HS3ST3B1: variants seen among roughly 807,000 people sequenced by gnomAD.
The protein encoded by HS3ST3B1 is heparan sulfate-glucosamine 3-sulfotransferase 3B1, also known as heparan sulfate glucosamine 3-O-sulfotransferase 3B1.
In HS3ST3B1, 13 loss-of-function variants were observed where a neutral mutation model predicts 21.3. The observed-to-expected ratio is 0.61, with a 90% CI of 0.40 to 0.97. The LOEUF (loss-of-function observed/expected upper bound fraction) is 0.97, where lower values mean the gene tolerates loss of function less well. HS3ST3B1 is among the 50% of genes least tolerant of loss of function. HS3ST3B1 has a pLI of 0.00. For missense variants in HS3ST3B1, 459 were observed against 554.8 expected (o/e 0.83, Z 1.73); for synonymous variants, 234 against 254.8 (o/e 0.92, Z 0.78).
intron 1 of HS3ST3B1, among the ~76,000 whole-genome samples, chr17:14,341,718 G>A (rs1057290731): frequency 6.6e-5 from 10 of 152,106 alleles, no homozygotes; most frequent in East Asian, 3.9e-4. Context: ...CAATGGCCCC[G>A]AAGAACCTTG....
rs946552218 is a variant in HS3ST3B1 at position 14,301,310 on chromosome 17, C to A, written c.-209C>A. ...TTTCCGTTCCAGTTGCAGCTCCTGC[C>A]GGGCAACATGTCAAGAGCCGCCGCC... On this transcript the variant is annotated 5_prime_UTR_variant, in exon 1 of 2. Transcript: ENST00000360954. The A allele has an allele frequency of 6.0e-6, 3 of 499,820 alleles. No homozygotes were observed. Among genetic ancestry groups the A allele is most frequent in the Non-Finnish European group, 1.0e-5 (3 of 289,378 alleles). 31.0% of individuals were successfully genotyped at this position (499,820 alleles called of 1,614,324 possible).
intron 1 of HS3ST3B1, among the ~76,000 whole-genome samples, chr17:14,315,306 G>A (rs868152530): frequency 1.3e-5 from 2 of 152,190 alleles, no homozygotes; most frequent in Non-Finnish European, 2.9e-5. Flanking sequence ...TGCATGTGAT[G>A]AGCACACAGA....
intron 1 of HS3ST3B1, among the ~76,000 whole-genome samples, chr17:14,309,024 GC>G (rs1286771387): frequency 3.3e-5 from 5 of 152,244 alleles, no homozygotes; most frequent in Non-Finnish European, 7.3e-5. Context: ...TGGGGGGAGA[GC>G]CGCCCCCCTT....
intron 1 of HS3ST3B1, among the ~76,000 whole-genome samples, chr17:14,337,387 T>A (rs1910218292): frequency 6.6e-6 from 1 of 151,258 alleles, no homozygotes; most frequent in African/African-American, 2.4e-5. Flanking sequence ...GAGTGCAGTG[T>A]CAGGATCTCG....
intron 1 of HS3ST3B1, among the ~76,000 whole-genome samples, chr17:14,339,162 G>A (rs890448062): frequency 2.6e-5 from 4 of 152,268 alleles, no homozygotes; most frequent in East Asian, 3.9e-4. Context: ...TCCTGCCCAC[G>A]TGGTAAAGAG....
intron 1 of HS3ST3B1, among the ~76,000 whole-genome samples, chr17:14,326,008 T>C (rs1273522046): frequency 6.6e-6 from 1 of 151,108 alleles, no homozygotes; most frequent in Non-Finnish European, 1.5e-5. Flanking sequence ...GATGACTCTG[T>C]GTGTGTGTGT....
rs1361472725 is a variant in HS3ST3B1 at position 14,346,652 on chromosome 17, A to C, written c.*1006A>C. 6.6e-6 allele frequency: 1 copy of C among 152,018 alleles called. No individual in the cohort carries two copies. Among genetic ancestry groups the C allele is most frequent in the Non-Finnish European group, 1.5e-5 (1 of 68,040 alleles). 9.4% of individuals were successfully genotyped at this position (152,018 alleles called of 1,614,324 possible). ...CTCTGCCCCATTCCCTGGTTCATTA[A>C]CCAGTTTGAAGTGTATGTAGATTGT... On this transcript the variant is annotated 3_prime_UTR_variant, in exon 2 of 2. Coordinates refer to ENST00000360954, the MANE Select transcript of HS3ST3B1 (RefSeq NM_006041.3).
chr17:14,301,929 G>A lies in HS3ST3B1; in HGVS notation c.411G>A (p.Leu137=). 1 of 1,609,700 alleles carries A rather than the reference G, an allele frequency of 6.2e-7. No homozygotes were observed. Among genetic ancestry groups the A allele is most frequent in the Non-Finnish European group, 8.5e-7 (1 of 1,178,644 alleles). ...TCAGTGGGTCTGGGAGCAAGCAGCT[G>A]CCGCAGGCCATCATCATCGGCGTGA... ...SFFSGSGSKQ[L]PQAIIIGVKK... is the part of the protein sequence containing the mutation. Residue 137 remains leucine (L), a synonymous_variant, in exon 1 of 2, where the codon CTG becomes CTA. Coordinates refer to ENST00000360954, the MANE Select transcript of HS3ST3B1 (RefSeq NM_006041.3).
intron 1 of HS3ST3B1, chr17:14,328,609 A>T (rs1909888356): frequency 6.6e-6 from 1 of 152,220 alleles, no homozygotes; most frequent in Admixed American, 6.5e-5. Context: ...GTAAGTACTG[A>T]TGACAAGAAG....
chr17:14,315,251 A>T (rs1909460047), intron 1 of HS3ST3B1, among the ~76,000 whole-genome samples: 1 of 152,102 alleles, frequency 6.6e-6, no homozygotes. Flanking sequence ...CTCCTGTAGG[A>T]CCACGTTTTC....
chr17:14,325,299 A>T (rs1376439459), intron 1 of HS3ST3B1, among the ~76,000 whole-genome samples: 3 of 152,224 alleles, frequency 2.0e-5, no homozygotes, highest in Admixed American at 6.5e-5. Context: ...AAGGTATACA[A>T]TGAGTGTGTT....
chr17:14,313,096 G>GTGTGTGTGTGTGTATATATATATATA (rs1309828456), intron 1 of HS3ST3B1, among the ~76,000 whole-genome samples: 4 of 61,574 alleles, frequency 6.5e-5, no homozygotes, highest in Non-Finnish European at 1.2e-4. Flanking sequence ...TGTGTGTGGT[G>GTGTGTGTGTGTGTATATATATATATA]TGTGTGTGTG....
chr17:14,312,516 C>T (rs1324907370), intron 1 of HS3ST3B1, among the ~76,000 whole-genome samples: 1 of 152,156 alleles, frequency 6.6e-6, no homozygotes, highest in African/African-American at 2.4e-5. Flanking sequence ...ACTCCCCACA[C>T]TTGTTCCTAG....
intron 1 of HS3ST3B1, among the ~76,000 whole-genome samples, chr17:14,331,671 A>G (rs879478803): frequency 1.5e-4 from 23 of 152,302 alleles, no homozygotes; most frequent in Admixed American, 1.4e-3. Context: ...GAATAATGAC[A>G]TCACTTCCGG....
intron 1 of HS3ST3B1, among the ~76,000 whole-genome samples, chr17:14,342,699 C>T (rs541657794): frequency 1.1e-3 from 161 of 152,126 alleles, no homozygotes; most frequent in African/African-American, 3.5e-3. Context: ...GAGAAAAAGA[C>T]GCCCAGAAAA....
Position 14,331,378 on chromosome 17 carries a change from A to G in HS3ST3B1, c.555-13650A>G, listed in dbSNP as rs372852373. Among the ~76,000 whole-genome samples the G allele has an allele frequency of 3.2e-4, 48 of 152,218 alleles. 1 individual carries two copies. Among genetic ancestry groups the G allele is most frequent in the African/African-American group, 8.4e-4 (35 of 41,530 alleles). ...GCCTATAACCGAGGATTCTGCCCCA[A>G]TGAAAGGGATCTTGAGTTGACCCAG... On this transcript the variant is annotated intron_variant, in intron 1 of 1. Transcript: ENST00000360954.
At position 14,343,063 on chromosome 17, in the gene HS3ST3B1, G is replaced by A. The variant is rs552826246; in HGVS notation, c.555-1965G>A. ...TTGAGACCATCCTGGCCAACATGGT[G>A]AAACCCCATCTCTACCAAAAATACA... is the stretch of plus-strand genomic sequence containing the variant. On this transcript the variant is annotated intron_variant, in intron 1 of 1. Coordinates refer to ENST00000360954, the MANE Select transcript of HS3ST3B1 (RefSeq NM_006041.3). Among the ~76,000 whole-genome samples the A allele has an allele frequency of 6.6e-5, 10 of 152,202 alleles. No individual in the cohort carries two copies. The South Asian group carries it at 2.1e-3, about 32-fold the overall frequency.
At chr17:14,331,693 A>G (rs1000772415) in intron 1 of HS3ST3B1, among the ~76,000 whole-genome samples, 1 of 152,180 alleles carries the variant, frequency 6.6e-6, no homozygotes, top group Non-Finnish European at 1.5e-5. Flanking sequence ...AGCCCCACGG[A>G]TCCTGCTGCG....
At chr17:14,302,481 G>C (rs1908968693) in intron 1 of HS3ST3B1, among the ~76,000 whole-genome samples, 2 of 152,162 alleles carry the variant, frequency 1.3e-5, no homozygotes, top group African/African-American at 4.8e-5. Context: ...CCTTTGGTCG[G>C]TCTCCGCCCT....
Sources: allele counts gnomAD v4.1 joint callset (sites outside exome capture counted in the v4.1 genomes callset), GRCh38; gene constraint gnomAD v4.1.1; transcripts MANE v1.5; gene names NCBI Gene and HGNC (gene_info 2026-07-23, HGNC 2026-07-21).